The following ENTREP2 variants were observed in gnomAD, a reference collection of about 807,000 sequenced individuals.
ENTREP2 encodes protein ENTREP2.
chr15:29,268,739 T>C, the ENTREP2 span: 1 of 1,538,452 alleles, frequency 6.5e-7, no homozygotes, highest in East Asian at 2.3e-5. Flanking sequence ...TCCTCTAAAC[T>C]GTGCCTTTGG....
chr15:29,656,084 A>G, the ENTREP2 span, among the ~76,000 whole-genome samples: 1 of 152,080 alleles, frequency 6.6e-6, no homozygotes, highest in Non-Finnish European at 1.5e-5. Flanking sequence ...TAAAGAGCAG[A>G]AAGAACAAAG....
the ENTREP2 span, among the ~76,000 whole-genome samples, chr15:29,183,391 A>C: frequency 6.6e-6 from 1 of 152,202 alleles, no homozygotes; most frequent in South Asian, 2.1e-4. Flanking sequence ...TGCGGTGACT[A>C]AAGTCCTGCA....
At chr15:29,476,096 C>G in the ENTREP2 span, among the ~76,000 whole-genome samples, 5 of 152,228 alleles carry the variant, frequency 3.3e-5, no homozygotes, top group Admixed American at 2.6e-4. Context: ...CACACATATA[C>G]ATTTTAGACA....
At chr15:29,674,134 G>A in the ENTREP2 span, among the ~76,000 whole-genome samples, 1 of 149,706 alleles carries the variant, frequency 6.7e-6, no homozygotes, top group African/African-American at 2.5e-5. Flanking sequence ...AGGATGGGGG[G>A]GGGGGGGGGC....
At chr15:29,471,442 AG>A in the ENTREP2 span, among the ~76,000 whole-genome samples, 1 of 152,250 alleles carries the variant, frequency 6.6e-6, no homozygotes, top group African/African-American at 2.4e-5. Flanking sequence ...GAATAGGCAC[AG>A]GAGAGAACAG....
chr15:29,207,371 T>C, the ENTREP2 span, among the ~76,000 whole-genome samples: 1 of 141,486 alleles, frequency 7.1e-6, no homozygotes, highest in Non-Finnish European at 1.5e-5. Flanking sequence ...ACCCAAAGAG[T>C]GAGTGATAAC....
chr15:29,133,477 G>A, the ENTREP2 span, among the ~76,000 whole-genome samples: 5 of 152,106 alleles, frequency 3.3e-5, no homozygotes, highest in African/African-American at 1.2e-4. Context: ...CGCACGTGCC[G>A]TCCACTCCTT....
the ENTREP2 span, among the ~76,000 whole-genome samples, chr15:29,557,468 T>C: frequency 6.6e-6 from 1 of 152,104 alleles, no homozygotes; most frequent in Admixed American, 6.5e-5. Context: ...CAGGCCCCTC[T>C]CTCCACCCTC....
the ENTREP2 span, among the ~76,000 whole-genome samples, chr15:29,417,608 C>T: frequency 6.6e-6 from 1 of 151,508 alleles, no homozygotes; most frequent in Admixed American, 6.6e-5. Flanking sequence ...CAAACCTGCA[C>T]GTTGTGCACA....
At chr15:29,643,795 A>AG in the ENTREP2 span, among the ~76,000 whole-genome samples, 7,042 of 147,704 alleles carry the variant, frequency 0.048, 508 homozygotes, top group African/African-American at 0.16. Context: ...AAAAAAAAAA[A>AG]AAAGAAAGAA....
At chr15:29,385,152 T>A in the ENTREP2 span, among the ~76,000 whole-genome samples, 6 of 152,128 alleles carry the variant, frequency 3.9e-5, no homozygotes, top group Non-Finnish European at 8.8e-5. Flanking sequence ...TCAGCTGAAG[T>A]GTATTAAACT....
the ENTREP2 span, among the ~76,000 whole-genome samples, chr15:29,318,474 G>C: frequency 6.6e-6 from 1 of 151,940 alleles, no homozygotes; most frequent in Admixed American, 6.6e-5. Context: ...GCGCCTGCCA[G>C]CACACCTGGC....
chr15:29,645,748 G>T, the ENTREP2 span, among the ~76,000 whole-genome samples: 1 of 152,002 alleles, frequency 6.6e-6, no homozygotes, highest in Admixed American at 6.6e-5. Context: ...TTTTAGTAGA[G>T]ACAGGGTTTC....
chr15:29,138,670 T>A, the ENTREP2 span, among the ~76,000 whole-genome samples: 1 of 147,772 alleles, frequency 6.8e-6, no homozygotes, highest in Non-Finnish European at 1.5e-5. Flanking sequence ...TAGATGTGTG[T>A]GTCTCTGTGT....
At chr15:29,573,436 A>G in the ENTREP2 span, among the ~76,000 whole-genome samples, 1 of 152,216 alleles carries the variant, frequency 6.6e-6, no homozygotes, top group Non-Finnish European at 1.5e-5. Flanking sequence ...AGAGAACTCC[A>G]CTCTGCCATG....
the ENTREP2 span, among the ~76,000 whole-genome samples, chr15:29,349,825 G>A: frequency 3.3e-5 from 5 of 152,258 alleles, no homozygotes; most frequent in South Asian, 1.0e-3. Context: ...TTGAACCCAG[G>A]AGGCAGAGGT....
chr15:29,659,025 G>A, the ENTREP2 span, among the ~76,000 whole-genome samples: 11 of 152,216 alleles, frequency 7.2e-5, no homozygotes, highest in Admixed American at 1.3e-4. Context: ...CAGGCTGTGC[G>A]CTGCAATTGT....
the ENTREP2 span, among the ~76,000 whole-genome samples, chr15:29,579,483 C>T: frequency 1.3e-5 from 2 of 151,546 alleles, no homozygotes; most frequent in African/African-American, 4.8e-5. Flanking sequence ...TTTCTCTAAT[C>T]CTCTGCTCCA....
the ENTREP2 span, among the ~76,000 whole-genome samples, chr15:29,490,346 G>A: frequency 6.6e-6 from 1 of 152,188 alleles, no homozygotes; most frequent in Non-Finnish European, 1.5e-5. Flanking sequence ...GTGAGCAGTG[G>A]CAAGATTTAC....
Sources: allele counts gnomAD v4.1 joint callset (sites outside exome capture counted in the v4.1 genomes callset), GRCh38; gene constraint gnomAD v4.1.1; transcripts MANE v1.5; gene names NCBI Gene and HGNC (gene_info 2026-07-23, HGNC 2026-07-21).